The following MPDU1 variants were observed in gnomAD, a reference collection of about 807,000 sequenced individuals.
The protein encoded by MPDU1 is mannose-P-dolichol utilization defect 1.
In MPDU1, 18 loss-of-function variants were observed where a neutral mutation model predicts 27.6. The ratio of observed to expected loss-of-function variants is 0.65; its 90% CI spans 0.45 to 0.97. The LOEUF is 0.97. Among genes scored for constraint, MPDU1 ranks in the 50% least tolerant of loss-of-function variants. MPDU1 has a pLI of 0.00. For synonymous variants in MPDU1, 142 were observed against 131.1 expected, an observed-to-expected ratio of 1.08 and a Z score of -0.57; for missense variants, 279 against 297.4, an observed-to-expected ratio of 0.94 and a Z score of 0.46.
chr17:7,587,445 T>C lies in MPDU1; in HGVS notation c.638T>C (p.Met213Thr), dbSNP rs2071604046. The C allele has an allele frequency of 6.2e-7, 1 of 1,613,982 alleles. No homozygotes were observed. Among genetic ancestry groups the C allele is most frequent in the African/African-American group, 1.3e-5 (1 of 75,000 alleles). Reference protein sequence around the residue: ...TSIQETGDPLMAGTFVVSSLC... With the variant: ...TSIQETGDPLTAGTFVVSSLC... ...AACCAGGAAACCGGAGATCCCCTGA[T>C]GGCTGGGACCTTTGTGGTCTCCTCT... The change falls in exon 7 of 7, where the codon ATG becomes ACG. Residue 213 changes from methionine (M) to threonine (T), a missense_variant. Met to Thr is a moderately conservative substitution (Grantham distance 81). Coordinates refer to ENST00000250124, the MANE Select transcript of MPDU1 (RefSeq NM_004870.4).
upstream of MPDU1, chr17:7,583,756 G>T: frequency 8.5e-7 from 1 of 1,180,608 alleles, no homozygotes. Flanking sequence ...CACGGGGCGG[G>T]CCAGCTTCGC....
rs1354557041 is a variant in MPDU1 at position 7,586,644 on chromosome 17, G to A, written c.303-48G>A. ...TGGATGGGCTATGGAGGCTTTCCCTGCCTCTTTCTAGGCCCGCCTTTCTTC... is the reference window on the plus strand; with the variant it reads ...TGGATGGGCTATGGAGGCTTTCCCTACCTCTTTCTAGGCCCGCCTTTCTTC... On this transcript the variant is annotated intron_variant, in intron 3 of 6. Transcript: ENST00000250124. 3 of 1,551,020 alleles carry A rather than the reference G, an allele frequency of 1.9e-6. No homozygotes were observed. The South Asian group carries it at 3.3e-5, about 17-fold the overall frequency.
chr17:7,585,798 G>T lies in MPDU1; in HGVS notation c.169+1G>T. 2 of 1,614,092 alleles carry T rather than the reference G, an allele frequency of 1.2e-6. No homozygotes were observed. The highest frequency in any genetic ancestry group is 1.7e-6 in the Non-Finnish European group (2 of 1,179,972). On this transcript the variant is annotated splice_donor_variant, in intron 2 of 6. Coordinates refer to ENST00000250124, the MANE Select transcript of MPDU1 (RefSeq NM_004870.4). LOFTEE classifies it high-confidence loss of function. ...GGCATTGTGGCTGGCTCACTTCTAG[G>T]TATGTCTCTTATCTTTCTTTCCAGC... is the stretch of plus-strand genomic sequence containing the variant.
At chr17:7,586,357 T>G (rs1218301686) in intron 3 of MPDU1, 1 of 513,256 alleles carries the variant, frequency 1.9e-6, no homozygotes. Context: ...GAGAATCACT[T>G]GAACCTGGGA....
chr17:7,585,770 C>T lies in MPDU1; in HGVS notation c.142C>T (p.Leu48=), dbSNP rs2071572684. The T allele has an allele frequency of 6.2e-7, 1 of 1,614,046 alleles. No homozygotes were observed. Among genetic ancestry groups the T allele is most frequent in the African/African-American group, 1.3e-5 (1 of 74,902 alleles). ...LKILLSKGLG[L]GIVAGSLLVK... ...GATTCTCCTCAGCAAAGGCCTGGGG[C>T]TGGGCATTGTGGCTGGCTCACTTCT... The change falls in exon 2 of 7, where the codon CTG becomes TTG. Residue 48 remains leucine, a synonymous_variant. Transcript: ENST00000250124.
intron 1 of MPDU1, 124 bp from the exon 2 acceptor site, chr17:7,585,608 T>C: frequency 1.1e-6 from 1 of 871,152 alleles, no homozygotes; most frequent in Non-Finnish European, 1.9e-6. Context: ...CCGCCTCTCC[T>C]CCCCCCAAGA....
At chr17:7,583,770 G>A (rs1188843928), upstream of MPDU1, 33 of 1,360,934 alleles carry the variant, frequency 2.4e-5, no homozygotes, top group Non-Finnish European at 3.5e-5. Flanking sequence ...GCTTCGCCGC[G>A]GGAAAAGAAC....
chr17:7,585,348 C>A (rs76392485), intron 1 of MPDU1, among the ~76,000 whole-genome samples: 1 of 151,938 alleles, frequency 6.6e-6, no homozygotes, highest in Non-Finnish European at 1.5e-5. Flanking sequence ...ACCAGCCTGG[C>A]CAACATGGTG....
In MPDU1 at chr17:7,586,061, T is replaced by C. The variant is rs374458311; in HGVS notation, c.285T>C (p.Thr95=). The C allele has an allele frequency of 1.5e-5, 25 of 1,613,728 alleles. No individual in the cohort carries two copies. Among genetic ancestry groups the C allele is most frequent in the Non-Finnish European group, 2.1e-5 (25 of 1,180,024 alleles). Residue 95 remains threonine, a synonymous_variant, in exon 3 of 7, where the codon ACT becomes ACC. Coordinates refer to ENST00000250124, the MANE Select transcript of MPDU1 (RefSeq NM_004870.4). ...ALTGTMVYSI[T]NNFPFSSWGE... is the part of the protein sequence containing the mutation. ...CTGGGACCATGGTCTACAGCATCACTAACAACTTCCCATTCAGGTGAGGGG... is the reference window on the plus strand; with the variant it reads ...CTGGGACCATGGTCTACAGCATCACCAACAACTTCCCATTCAGGTGAGGGG...
chr17:7,585,613 C>T (rs368362897), intron 1 of MPDU1, 119 bp from the exon 2 acceptor site: 5 of 948,530 alleles, frequency 5.3e-6, no homozygotes, highest in South Asian at 2.6e-5. Flanking sequence ...TCTCCTCCCC[C>T]CAAGACAATG....
Position 7,587,966 on chromosome 17 carries a change from G to GTGGC in MPDU1, c.*418_*421dup, listed in dbSNP as rs1478123985. The GTGGC allele has an allele frequency of 2.1e-6, 1 of 478,028 alleles. No individual in the cohort carries two copies. The highest frequency in any genetic ancestry group is 4.1e-6 in the Non-Finnish European group (1 of 243,108). 29.6% of individuals were successfully genotyped at this position (478,028 alleles called of 1,614,324 possible). A position where few individuals can be genotyped will look rare whatever the true frequency, so the allele number is the denominator to read the frequency against. ...GGCAGAGTGGAGGGACTGGGAGGCT[G>GTGGC]TGGCTGCCTCCCTCCCTCAGCCCGG... On this transcript the variant is annotated 3_prime_UTR_variant, in exon 7 of 7. Transcript: ENST00000250124.
chr17:7,586,596 G>C (rs1307535894), intron 3 of MPDU1, 96 bp from the exon 4 acceptor site: 4 of 1,098,128 alleles, frequency 3.6e-6, no homozygotes, highest in Non-Finnish European at 4.2e-6. Context: ...AGAGAAGCGT[G>C]ATCAGAGCAT....
upstream of MPDU1, chr17:7,583,844 C>G (rs777508200): frequency 6.2e-7 from 1 of 1,612,754 alleles, no homozygotes; most frequent in African/African-American, 1.3e-5. Context: ...GAGAGACTGG[C>G]GGAAGCTAGC....
upstream of MPDU1, chr17:7,583,710 C>G (rs1364371670): frequency 1.2e-6 from 1 of 839,676 alleles, no homozygotes; most frequent in Admixed American, 1.7e-5. Flanking sequence ...TTTTACGCCA[C>G]TAGAGTGAGG....
chr17:7,585,678 C>T, intron 1 of MPDU1, 54 bp from the exon 2 acceptor site: 1 of 1,578,486 alleles, frequency 6.3e-7, no homozygotes, highest in South Asian at 1.1e-5. Flanking sequence ...AGCTTCAAGC[C>T]CTGGCCTGGG....
chr17:7,586,408 C>T, intron 3 of MPDU1: 1 of 525,544 alleles, frequency 1.9e-6, no homozygotes, highest in South Asian at 2.0e-5. Flanking sequence ...CACTGCACTC[C>T]AGCCTGGGCA....
Position 7,587,604 on chromosome 17 carries a change from C to T in MPDU1, c.*53C>T. ...CACTCATTCACCCAACCTCAGGGTT[C>T]TCCCCATCTGAGCCAGCCTGCTGGT... On this transcript the variant is annotated 3_prime_UTR_variant, in exon 7 of 7. Transcript: ENST00000250124. The T allele has an allele frequency of 6.2e-7, 1 of 1,611,804 alleles. No homozygotes were observed. Among genetic ancestry groups the T allele is most frequent in the Admixed American group, 1.7e-5 (1 of 59,948 alleles).
chr17:7,586,852 A>C (rs1034209752), intron 4 of MPDU1, 47 bp from the exon 5 acceptor site: 9 of 1,612,024 alleles, frequency 5.6e-6, no homozygotes, highest in Non-Finnish European at 7.6e-6. Flanking sequence ...TGGGAAAGCC[A>C]AATGATGTGG....
At chr17:7,583,717 G>A (rs757566722), upstream of MPDU1, 100 of 853,384 alleles carry the variant, frequency 1.2e-4, no homozygotes, top group South Asian at 1.3e-3. Flanking sequence ...CCACTAGAGT[G>A]AGGGTGGGTA....
Sources: gnomAD v4.1 joint callset for allele counts (sites outside exome capture counted in the v4.1 genomes callset) on GRCh38, gnomAD v4.1.1 for gene constraint, MANE v1.5 for transcripts, NCBI Gene and HGNC (gene_info 2026-07-23, HGNC 2026-07-21) for gene names.